The following MYL6B variants were observed in gnomAD, a reference collection of about 807,000 sequenced individuals.
MYL6B encodes myosin light chain 6B, also known as myosin alkali light chain 1 slow a.
MYL6B carries 19 observed loss-of-function variants against 24.5 expected under a neutral mutation model. The observed-to-expected ratio is 0.78, with a 90% CI of 0.54 to 1.14. The LOEUF (loss-of-function observed/expected upper bound fraction) is 1.14. MYL6B is among the 50% of genes most tolerant of loss of function. MYL6B has a pLI of 0.00. For synonymous variants in MYL6B, 90 were observed against 100.7 expected (o/e 0.89, Z 0.64); for missense variants, 230 against 263.8 (o/e 0.87, Z 0.89).
chr12:56,153,448 T>C, intron 1 of MYL6B: 1 of 985,880 alleles, frequency 1.0e-6, no homozygotes, highest in Non-Finnish European at 1.2e-6. Context: ...CTTCTTGTTT[T>C]TGTCATTGCT....
exon 2 of MYL6B, chr12:56,154,065 G>C: frequency 1.2e-6 from 2 of 1,613,812 alleles, no homozygotes; most frequent in Non-Finnish European, 1.7e-6. Context: ...AAACCCAGGA[G>C]CCTCCAGTCG....
At chr12:56,153,627 C>G (rs898039834) in intron 1 of MYL6B, 1 of 342,118 alleles carries the variant, frequency 2.9e-6, no homozygotes, top group South Asian at 1.0e-4. Flanking sequence ...TTAACTACCT[C>G]ATTCTGGGCA....
chr12:56,154,755 T>G, intron 2 of MYL6B, 58 bp from the exon 3 acceptor site: 1 of 1,574,192 alleles, frequency 6.4e-7, no homozygotes, highest in African/African-American at 1.4e-5. Context: ...TTGGGAGGAG[T>G]GCGGGAGAGG....
At chr12:56,156,028 AG>A in intron 5 of MYL6B, 1 of 1,115,938 alleles carries the variant, frequency 9.0e-7, no homozygotes, top group Non-Finnish European at 1.1e-6. Context: ...TGGCCTGGCC[AG>A]GTATGGTGGC....
chr12:56,155,784 C>T lies in MYL6B; in HGVS notation c.520+192C>T, dbSNP rs760641513. 25 of 1,510,846 alleles carry T rather than the reference C, an allele frequency of 1.7e-5. No individual in the cohort carries two copies. The African/African-American group carries it at 2.9e-4, about 18-fold the overall frequency. 93.6% of individuals were successfully genotyped at this position (1,510,846 alleles called of 1,614,324 possible). On this transcript the variant is annotated intron_variant, in intron 5 of 6. Transcript: ENST00000553066. ...GCTCTTCCAGAGGCTAAAGTGCCAT[C>T]CGGAGGGCAGAGGAAAAGGGATGAG...
intron 2 of MYL6B, 34 bp downstream of exon 2, chr12:56,154,126 G>A (rs760234147): frequency 6.3e-7 from 1 of 1,593,368 alleles, no homozygotes; most frequent in Non-Finnish European, 8.6e-7. Flanking sequence ...AGAATTGGAG[G>A]GGGTGGTTTG....
At chr12:56,155,179 G>A in exon 4 of MYL6B, 3 of 1,610,810 alleles carry the variant, frequency 1.9e-6, no homozygotes, top group Non-Finnish European at 8.5e-7. Flanking sequence ...TCAAGGTCCT[G>A]GGGAACCCCA....
intron 1 of MYL6B, among the ~76,000 whole-genome samples, chr12:56,153,103 C>T (rs935075359): frequency 6.6e-6 from 1 of 152,084 alleles, no homozygotes; most frequent in African/African-American, 2.4e-5. Flanking sequence ...ACCAAAGGGT[C>T]CCCACAGGTT....
exon 2 of MYL6B, chr12:56,153,890 C>T (rs758145897): frequency 1.1e-5 from 18 of 1,584,340 alleles, no homozygotes; most frequent in South Asian, 9.1e-5. Context: ...TGCCCCCATC[C>T]GCACACTGTC....
chr12:56,155,908 C>T, intron 5 of MYL6B: 1 of 1,242,802 alleles, frequency 8.0e-7, no homozygotes, highest in Non-Finnish European at 1.0e-6. Flanking sequence ...TGGGTCAATA[C>T]TTTCAGCAGT....
At chr12:56,154,033 G>T (rs953567422) in exon 2 of MYL6B, 2 of 1,613,992 alleles carry the variant, frequency 1.2e-6, no homozygotes, top group African/African-American at 2.7e-5. Context: ...AGCTGAGCCA[G>T]CTGTCCCCCA....
chr12:56,157,636 A>G, intron 6 of MYL6B, 62 bp from the exon 7 acceptor site: 3 of 1,613,194 alleles, frequency 1.9e-6, no homozygotes, highest in Non-Finnish European at 2.5e-6. Context: ...TGGATTACCT[A>G]GAGTCAGATG....
chr12:56,155,905 A>G (rs1871288111), intron 5 of MYL6B: 3 of 1,247,810 alleles, frequency 2.4e-6, no homozygotes, highest in Non-Finnish European at 3.1e-6. Flanking sequence ...TTGTGGGTCA[A>G]TACTTTCAGC....
chr12:56,157,736 G>A lies in MYL6B; in HGVS notation c.*10G>A. 4 of 1,611,348 alleles carry A rather than the reference G, an allele frequency of 2.5e-6. No individual in the cohort carries two copies. The highest frequency in any genetic ancestry group is 2.2e-5 in the South Asian group (2 of 91,074). On this transcript the variant is annotated 3_prime_UTR_variant, in exon 7 of 7. Transcript: ENST00000553066. The stretch of plus-strand genomic sequence containing the variant: ...CATCCTAAGCGTCTGAGTGCTGCAG[G>A]TAGGGCCCTCCCACCCCTTCGCCGC...
At chr12:56,154,738 C>T (rs2136903886) in intron 2 of MYL6B, 75 bp from the exon 3 acceptor site, 1 of 1,537,352 alleles carries the variant, frequency 6.5e-7, no homozygotes, top group South Asian at 1.2e-5. Context: ...AAGTGGCTGC[C>T]AGTTGGTTGG....
At position 56,157,685 on chromosome 12, in the gene MYL6B, C is replaced by A. The variant is rs759559222; in HGVS notation, c.599-13C>A. The A allele has an allele frequency of 6.2e-7, 1 of 1,613,240 alleles. No homozygotes were observed. The highest frequency in any genetic ancestry group is 8.5e-7 in the Non-Finnish European group (1 of 1,180,034). ...CCTGCTTCTGAAGCCCCTCTTGCCT[C>A]CTCTCTCTGCAGCCTTCTTGAAACA... On this transcript the variant is annotated splice_polypyrimidine_tract_variant and intron_variant, in intron 6 of 6. Coordinates refer to ENST00000553066, the Ensembl canonical transcript of MYL6B.
chr12:56,155,499 T>C, exon 5 of MYL6B: 1 of 1,613,878 alleles, frequency 6.2e-7, no homozygotes, highest in East Asian at 2.2e-5. Context: ...CCAAGGCACA[T>C]ATGAGGACTA....
At chr12:56,156,863 C>G (rs1871336228) in intron 5 of MYL6B, 1 of 151,910 alleles carries the variant, frequency 6.6e-6, no homozygotes, top group Non-Finnish European at 1.5e-5. Flanking sequence ...CCAGCCTGAG[C>G]AACATGGCAA....
At chr12:56,153,427 G>T in intron 1 of MYL6B, 1 of 985,868 alleles carries the variant, frequency 1.0e-6, no homozygotes, top group Non-Finnish European at 1.2e-6. Flanking sequence ...TGGAGGGGCT[G>T]GGCAGATGGG....
Sources: gnomAD v4.1 joint callset for allele counts (sites outside exome capture counted in the v4.1 genomes callset) on GRCh38, gnomAD v4.1.1 for gene constraint, MANE v1.5 for transcripts, NCBI Gene and HGNC (gene_info 2026-07-23, HGNC 2026-07-21) for gene names.